The following SLFN12 variants were observed in gnomAD, a reference collection of about 807,000 sequenced individuals.
SLFN12 encodes the protein ribonuclease SLFN12.
SLFN12 carries 25 observed loss-of-function variants against 29.1 expected under a neutral mutation model. The observed-to-expected ratio is 0.86, with a 90% CI of 0.63 to 1.20. SLFN12 has a LOEUF of 1.20. SLFN12 is among the 50% of genes most tolerant of loss of function. SLFN12 has a pLI of 0.00. For missense variants in SLFN12, 660 were observed against 666.2 expected (o/e 0.99, Z 0.10); for synonymous variants, 257 against 238.7 (o/e 1.08, Z -0.71).
At chr17:35,427,038 G>A (rs1912057195) in intron 1 of SLFN12, among the ~76,000 whole-genome samples, 1 of 152,082 alleles carries the variant, frequency 6.6e-6, no homozygotes, top group Non-Finnish European at 1.5e-5. Flanking sequence ...ATCTGAGTTA[G>A]GGGATACAGA....
intron 3 of SLFN12, among the ~76,000 whole-genome samples, chr17:35,416,350 G>A (rs1464649962): frequency 6.6e-6 from 1 of 152,078 alleles, no homozygotes; most frequent in Non-Finnish European, 1.5e-5. Flanking sequence ...GGGACTCAAG[G>A]GGAAGGGTGG....
chr17:35,423,171 A>G (rs2142043881), intron 1 of SLFN12, 103 bp from the exon 2 acceptor site: 1 of 1,298,206 alleles, frequency 7.7e-7, no homozygotes, highest in Non-Finnish European at 1.0e-6. Flanking sequence ...TATATATTCT[A>G]CTAGACTGGT....
rs1186155775 is a variant in SLFN12, at chr17:35,431,195, T to C, written c.-41+993A>G. On this transcript the variant is annotated intron_variant, in intron 1 of 3. Transcript: ENST00000304905. ...AGCTTTGATTGTCTTCCCAGGAATA[T>C]GGATTTGAGAAACCAAACATTGGTT... Among the ~76,000 whole-genome samples, 4 of 152,174 alleles carry C rather than the reference T, an allele frequency of 2.6e-5. No individual in the cohort carries two copies. In the East Asian group the frequency reaches 5.8e-4, roughly 22 times the overall value.
chr17:35,431,780 C>T (rs1912330973), intron 1 of SLFN12: 1 of 152,102 alleles, frequency 6.6e-6, no homozygotes, highest in Non-Finnish European at 1.5e-5. Flanking sequence ...TAGTCATGAA[C>T]TTTAATGATA....
At chr17:35,419,950 C>T (rs960570796) in intron 3 of SLFN12, among the ~76,000 whole-genome samples, 3 of 152,154 alleles carry the variant, frequency 2.0e-5, no homozygotes, top group Non-Finnish European at 2.9e-5. Flanking sequence ...TCTTCAGTAA[C>T]TGAACATAGC....
At chr17:35,421,325 T>C (rs1315533572) in intron 2 of SLFN12, among the ~76,000 whole-genome samples, 1 of 151,426 alleles carries the variant, frequency 6.6e-6, no homozygotes, top group Non-Finnish European at 1.5e-5. Flanking sequence ...AAGAAAGCAA[T>C]GGTTACTTAC....
At chr17:35,432,873 G>A (rs960092194), upstream of SLFN12, 1 of 152,124 alleles carries the variant, frequency 6.6e-6, no homozygotes, top group Non-Finnish European at 1.5e-5. Context: ...ACTAAGGCTG[G>A]AAGGTTTAGC....
intron 3 of SLFN12, among the ~76,000 whole-genome samples, chr17:35,416,916 T>C (rs1018732459): frequency 2.0e-5 from 3 of 151,974 alleles, no homozygotes; most frequent in African/African-American, 4.8e-5. Context: ...CAGTTCCTGA[T>C]TGAAAAAAGA....
chr17:35,420,149 C>A, intron 3 of SLFN12, 125 bp downstream of exon 3: 2 of 645,798 alleles, frequency 3.1e-6, no homozygotes, highest in Non-Finnish European at 5.3e-6. Context: ...ACTTAAAACA[C>A]CAAAGAATTC....
chr17:35,423,115 T>G, intron 1 of SLFN12, 47 bp from the exon 2 acceptor site: 1 of 1,505,818 alleles, frequency 6.6e-7, no homozygotes, highest in Admixed American at 2.3e-5. Flanking sequence ...ACTAGAAAGA[T>G]AGCAAATTCT....
At chr17:35,413,465 C>T (rs975172863) in intron 3 of SLFN12, among the ~76,000 whole-genome samples, 4 of 151,956 alleles carry the variant, frequency 2.6e-5, no homozygotes, top group African/African-American at 9.7e-5. Flanking sequence ...AAGGATCATT[C>T]GGCCCAGTGT....
Position 35,422,551 on chromosome 17 carries a change from G to T in SLFN12, c.478C>A (p.Pro160Thr). The change falls in exon 2 of 4, where the codon CCA becomes ACA. Residue 160 changes from proline (P) to threonine (T), a missense_variant. Coordinates refer to ENST00000304905, the MANE Select transcript of SLFN12 (RefSeq NM_018042.5). ...CAGGGCCTCTTTGCCAGCAATTCTGGTCTTAAATACAATCTCCCTCTAGTC... is the reference window on the plus strand; with the variant it reads ...CAGGGCCTCTTTGCCAGCAATTCTGTTCTTAAATACAATCTCCCTCTAGTC... ...KKTRGRLYLRPELLAKRPCVD... is the reference protein window; with the variant it reads ...KKTRGRLYLRTELLAKRPCVD... The T allele has an allele frequency of 1.2e-6, 2 of 1,614,066 alleles. No homozygotes were observed. Among genetic ancestry groups the T allele is most frequent in the Non-Finnish European group, 8.5e-7 (1 of 1,179,998 alleles).
At chr17:35,423,538 C>T (rs866883707) in intron 1 of SLFN12, among the ~76,000 whole-genome samples, 1 of 152,182 alleles carries the variant, frequency 6.6e-6, no homozygotes, top group African/African-American at 2.4e-5. Flanking sequence ...GGTCTAATGA[C>T]ATCCAACATG....
intron 3 of SLFN12, among the ~76,000 whole-genome samples, chr17:35,418,901 G>A (rs1361951370): frequency 1.3e-5 from 2 of 151,948 alleles, no homozygotes; most frequent in Non-Finnish European, 2.9e-5. Flanking sequence ...AAGGTCTCAC[G>A]CTGTTGCCTG....
rs1187509658 is a variant in SLFN12 at position 35,421,330 on chromosome 17, A to G, written c.1039+660T>C. 2.0e-5 allele frequency among the ~76,000 whole-genome samples: 3 copies of G among 151,732 alleles called. 1 individual carries two copies. Among genetic ancestry groups the G allele is most frequent in the Admixed American group, 2.0e-4 (3 of 15,250 alleles). On this transcript the variant is annotated intron_variant, in intron 2 of 3. Transcript: ENST00000304905. ...ATGTTCCTGAAAGAAAGCAATGGTT[A>G]CTTACTGAAATAGAGCTCAGAAACA...
At chr17:35,415,145 G>A (rs2142032839) in intron 3 of SLFN12, among the ~76,000 whole-genome samples, 1 of 152,186 alleles carries the variant, frequency 6.6e-6, no homozygotes, top group South Asian at 2.1e-4. Flanking sequence ...AAAACAGCAT[G>A]GTTCTGATAT....
At chr17:35,412,373 CA>C (rs1911076881) in intron 3 of SLFN12, among the ~76,000 whole-genome samples, 1 of 152,052 alleles carries the variant, frequency 6.6e-6, no homozygotes, top group Non-Finnish European at 1.5e-5. Flanking sequence ...GCTGGAAACA[CA>C]GAAGAAAATA....
chr17:35,422,077 C>G lies in SLFN12; in HGVS notation c.952G>C (p.Glu318Gln). ...TCTTTCACATGCCAGGAATCAGGCT[C>G]TTTAGCAAACACTGCACAGCAGAAG... ...ERFCCAVFAK[E>Q]PDSWHVKDNR... is the part of the protein sequence containing the mutation. Residue 318 changes from glutamate to glutamine, a missense_variant, in exon 2 of 4, where the codon GAG (glutamate) becomes CAG (glutamine). Transcript: ENST00000304905. 2 of 1,614,108 alleles carry G rather than the reference C, an allele frequency of 1.2e-6. No homozygotes were observed. The highest frequency in any genetic ancestry group is 1.1e-5 in the South Asian group (1 of 91,090).
intron 1 of SLFN12, among the ~76,000 whole-genome samples, chr17:35,426,681 G>A (rs528840685): frequency 6.6e-6 from 1 of 152,196 alleles, no homozygotes; most frequent in East Asian, 1.9e-4. Context: ...AAAAAACAGC[G>A]ATCTCTCACA....
Sources: allele counts gnomAD v4.1 joint callset (sites outside exome capture counted in the v4.1 genomes callset), GRCh38; gene constraint gnomAD v4.1.1; transcripts MANE v1.5; gene names NCBI Gene and HGNC (gene_info 2026-07-23, HGNC 2026-07-21).